The following C5orf47 variants were observed in gnomAD, a reference collection of about 807,000 sequenced individuals.
C5orf47 encodes chromosome 5 open reading frame 47.
In C5orf47, 20 loss-of-function variants were observed where a neutral mutation model predicts 20.6. That is an observed-to-expected ratio of 0.97 (90% CI 0.68 to 1.41). The LOEUF is 1.41. Among genes scored for constraint, C5orf47 ranks in the 40% most tolerant of loss-of-function variants. The pLI is 0.00. For synonymous variants in C5orf47, 106 were observed against 97.3 expected (o/e 1.09, Z -0.53); for missense variants, 262 against 238.4 (o/e 1.10, Z -0.65).
At chr5:173,995,243 G>C (rs1759068336) in intron 1 of C5orf47, among the ~76,000 whole-genome samples, 1 of 152,218 alleles carries the variant, frequency 6.6e-6, no homozygotes, top group African/African-American at 2.4e-5. Flanking sequence ...TAGTGACACA[G>C]ATGTATCAGA....
At chr5:174,000,479 T>C (rs947819725) in intron 3 of C5orf47, among the ~76,000 whole-genome samples, 3 of 152,154 alleles carry the variant, frequency 2.0e-5, no homozygotes, top group African/African-American at 7.2e-5. Flanking sequence ...TTTTCTTTCC[T>C]TAACGTGCAT....
At chr5:174,009,294 C>T (rs1335331302), downstream of C5orf47, among the ~76,000 whole-genome samples, 2 of 146,230 alleles carry the variant, frequency 1.4e-5, no homozygotes, top group African/African-American at 4.9e-5. Flanking sequence ...ATTTTGCCAT[C>T]CTTCATCAGT....
In C5orf47 at chr5:173,989,226, G is replaced by T; in HGVS notation, c.-38G>T. 7.3e-7 allele frequency: 1 copy of T among 1,367,328 alleles called. No homozygotes were observed. The highest frequency in any genetic ancestry group is 3.0e-5 in the East Asian group (1 of 33,538). The allele number at this position is 1,367,328 out of a possible 1,614,324, so 84.7% of individuals were successfully genotyped here. On this transcript the variant is annotated 5_prime_UTR_variant, in exon 1 of 5. Coordinates refer to ENST00000340147, the MANE Select transcript of C5orf47 (RefSeq NM_001144954.2). ...GGCAGTCTGGCGCCTGTGGCGTCGT[G>T]TTTGCTGAGGGCCCGGCTGCCGTTG...
At chr5:174,007,749 G>A (rs536546426), downstream of C5orf47, among the ~76,000 whole-genome samples, 1 of 152,062 alleles carries the variant, frequency 6.6e-6, no homozygotes, top group Admixed American at 6.5e-5. Flanking sequence ...TAGTAGAGAC[G>A]GGGTTTCACT....
chr5:174,000,553 G>GT (rs1759177633), intron 3 of C5orf47, among the ~76,000 whole-genome samples: 1 of 151,952 alleles, frequency 6.6e-6, no homozygotes, highest in Admixed American at 6.6e-5. Flanking sequence ...TGAGTTCTTA[G>GT]TACGGTCATT....
At chr5:174,001,499 T>C (rs1759196147) in intron 4 of C5orf47, among the ~76,000 whole-genome samples, 1 of 152,104 alleles carries the variant, frequency 6.6e-6, no homozygotes. Flanking sequence ...TCTTTCTTTT[T>C]TTCTATCGTA....
At chr5:174,008,514 A>G (rs1459455044), downstream of C5orf47, among the ~76,000 whole-genome samples, 3 of 152,222 alleles carry the variant, frequency 2.0e-5, no homozygotes, top group Non-Finnish European at 2.9e-5. Context: ...TGCTGTCCAC[A>G]GCATAGAATT....
intron 4 of C5orf47, among the ~76,000 whole-genome samples, chr5:174,002,793 A>T (rs1196242294): frequency 6.6e-6 from 1 of 152,106 alleles, no homozygotes; most frequent in Non-Finnish European, 1.5e-5. Flanking sequence ...TTGGTACTAG[A>T]TATACAGTTC....
chr5:174,002,143 A>G (rs1266991792), intron 4 of C5orf47, among the ~76,000 whole-genome samples: 1 of 151,430 alleles, frequency 6.6e-6, no homozygotes, highest in African/African-American at 2.4e-5. Context: ...TTTGTTTTGT[A>G]TAGGTGGGGG....
intron 1 of C5orf47, among the ~76,000 whole-genome samples, chr5:173,994,509 GACAGTT>G (rs1186092791): frequency 2.6e-5 from 4 of 152,200 alleles, no homozygotes; most frequent in African/African-American, 9.7e-5. Flanking sequence ...ACAGTTACAA[GACAGTT>G]ACAGTAGTCC....
downstream of C5orf47, among the ~76,000 whole-genome samples, chr5:174,007,740 A>G (rs1197509850): frequency 2.0e-5 from 3 of 151,904 alleles, no homozygotes; most frequent in African/African-American, 7.3e-5. Context: ...TTGTATTTTT[A>G]GTAGAGACGG....
chr5:173,989,637 G>A (rs1354886849), intron 1 of C5orf47, 49 bp downstream of exon 1: 2 of 1,336,382 alleles, frequency 1.5e-6, no homozygotes, highest in African/African-American at 3.1e-5. Flanking sequence ...GCGGGACGGG[G>A]CGGAGCGGGC....
intron 1 of C5orf47, among the ~76,000 whole-genome samples, chr5:173,992,152 CTT>C (rs1759008890): frequency 6.6e-6 from 1 of 150,804 alleles, no homozygotes; most frequent in Non-Finnish European, 1.5e-5. Flanking sequence ...TTATTTCCCT[CTT>C]GTCATTTCTT....
downstream of C5orf47, among the ~76,000 whole-genome samples, chr5:174,009,223 A>G (rs1233138553): frequency 2.0e-5 from 3 of 151,264 alleles, no homozygotes; most frequent in African/African-American, 4.8e-5. Context: ...AAGAAAAAAA[A>G]TAATCCTCCA....
At chr5:173,994,553 G>A (rs1015109942) in intron 1 of C5orf47, among the ~76,000 whole-genome samples, 1 of 152,150 alleles carries the variant, frequency 6.6e-6, no homozygotes, top group Non-Finnish European at 1.5e-5. Flanking sequence ...CCTGAACTAA[G>A]GCAGTGGCAG....
intron 1 of C5orf47, among the ~76,000 whole-genome samples, chr5:173,992,817 T>G (rs1440490676): frequency 9.2e-5 from 14 of 152,216 alleles, no homozygotes; most frequent in Non-Finnish European, 2.1e-4. Context: ...GAGTATTGTT[T>G]GTGATGCCTT....
At chr5:174,006,619 A>G (rs1463646379), downstream of C5orf47, among the ~76,000 whole-genome samples, 1 of 152,194 alleles carries the variant, frequency 6.6e-6, no homozygotes, top group African/African-American at 2.4e-5. Context: ...GAGTAAACTT[A>G]TAAAATAGTG....
At chr5:173,990,987 C>T (rs1049676178) in intron 1 of C5orf47, among the ~76,000 whole-genome samples, 1 of 152,158 alleles carries the variant, frequency 6.6e-6, no homozygotes, top group Non-Finnish European at 1.5e-5. Flanking sequence ...CCCAAGAGAA[C>T]CCCTGTATCC....
rs1046680410 is a variant in C5orf47 at position 173,998,155 on chromosome 5, T to G, written c.328T>G (p.Leu110Val). 6.6e-6 allele frequency: 10 copies of G among 1,524,294 alleles called. No individual in the cohort carries two copies. The African/African-American group carries it at 1.4e-4, about 21-fold the overall frequency. 94.4% of individuals were successfully genotyped at this position (1,524,294 alleles called of 1,614,324 possible). A position where few individuals can be genotyped will look rare whatever the true frequency, so the allele number is the denominator to read the frequency against. Residue 110 changes from leucine to valine, a missense_variant and splice_region_variant, in exon 2 of 5, where the codon TTA (leucine) becomes GTA (valine). By Grantham distance (32) the Leu-to-Val change is conservative. Coordinates refer to ENST00000340147, the MANE Select transcript of C5orf47 (RefSeq NM_001144954.2). ...SGTRQSARAG[L>V]IQKDAAKKYD... ...TTCACTTTCTTCTTAAAAATTAGGT[T>G]TAATCCAGAAGGATGCAGCTAAAAA...
Sources: allele counts gnomAD v4.1 joint callset (sites outside exome capture counted in the v4.1 genomes callset), GRCh38; gene constraint gnomAD v4.1.1; transcripts MANE v1.5; gene names NCBI Gene and HGNC (gene_info 2026-07-23, HGNC 2026-07-21).